Variants in NFIA observed in about 807,000 individuals in gnomAD.
NFIA encodes nuclear factor 1 A-type.
NFIA carries 8 observed loss-of-function variants against 62.8 expected under a neutral mutation model. The ratio of observed to expected loss-of-function variants is 0.13; its 90% CI spans 0.07 to 0.23. The LOEUF (loss-of-function observed/expected upper bound fraction) is 0.23. Ranked by LOEUF, NFIA falls within the 10% of genes least tolerant of loss-of-function variation. The pLI is 1.00. For missense variants in NFIA, 410 were observed against 642.1 expected, an observed-to-expected ratio of 0.64 and a Z score of 3.91; for synonymous variants, 235 against 238.1, an observed-to-expected ratio of 0.99 and a Z score of 0.12.
Position 61,242,329 on chromosome 1 carries a change from T to C in NFIA, c.560-35191T>C, listed in dbSNP as rs181530676. On this transcript the variant is annotated intron_variant, in intron 2 of 10. Transcript: ENST00000403491. ...GGAGCATACTACTTCTGCTGGCATGTTGGTTCATTGTGCTGGCTGCATAAT... is the reference window on the plus strand; with the variant it reads ...GGAGCATACTACTTCTGCTGGCATGCTGGTTCATTGTGCTGGCTGCATAAT... Among the ~76,000 whole-genome samples, 7 of 152,232 alleles carry C rather than the reference T, an allele frequency of 4.6e-5. No individual in the cohort carries two copies. In the East Asian group the frequency reaches 1.4e-3, roughly 29 times the overall value.
At position 61,088,409 on chromosome 1, in the gene NFIA, A is replaced by G. The variant is rs756286695; in HGVS notation, c.288A>G (p.Thr96=). 1.4e-5 allele frequency: 22 copies of G among 1,613,896 alleles called. No homozygotes were observed. Among genetic ancestry groups the G allele is most frequent in the African/African-American group, 4.0e-5 (3 of 74,884 alleles). The part of the protein sequence containing the change: ...EYREDFVLTV[T]GKKPPCCVLS... ...GAGAGGATTTTGTTCTTACAGTTAC[A>G]GGGAAAAAACCTCCATGTTGTGTTC... Residue 96 remains threonine, a synonymous_variant, in exon 2 of 11, where the codon ACA becomes ACG. Coordinates refer to ENST00000403491, the MANE Select transcript of NFIA (RefSeq NM_001134673.4). This position sits in a 1 kb window ranked among gnomAD's most constrained non-coding sequence, Gnocchi z 4.5.
intron 6 of NFIA, among the ~76,000 whole-genome samples, chr1:61,375,690 CT>C (rs1664116664): frequency 6.6e-6 from 1 of 152,136 alleles, no homozygotes; most frequent in Admixed American, 6.6e-5. Context: ...GGCACCCTCT[CT>C]TCTCTGAGTC....
In NFIA at chr1:61,341,218, C is replaced by T. The variant is rs568748584; in HGVS notation, c.700+8632C>T. 9.9e-5 allele frequency among the ~76,000 whole-genome samples: 15 copies of T among 151,908 alleles called. No individual in the cohort carries two copies. The South Asian group carries it at 1.5e-3, about 15-fold the overall frequency. ...AGCCGGGACTACAGGTGTCCACCAC[C>T]GCGCCCGGCTAATTTTTTGTATTTT... On this transcript the variant is annotated intron_variant, in intron 4 of 10. Coordinates refer to ENST00000403491, the MANE Select transcript of NFIA (RefSeq NM_001134673.4).
chr1:61,301,597 G>C (rs1488740847), intron 3 of NFIA, among the ~76,000 whole-genome samples: 1 of 151,974 alleles, frequency 6.6e-6, no homozygotes, highest in African/African-American at 2.4e-5. Flanking sequence ...TTACCCTTGT[G>C]GTTATTTTTT....
intron 3 of NFIA, among the ~76,000 whole-genome samples, chr1:61,285,977 A>C (rs928750142): frequency 6.6e-6 from 1 of 152,208 alleles, no homozygotes. Flanking sequence ...AACAAGAAGA[A>C]GCCAAATCAC....
intron 2 of NFIA, among the ~76,000 whole-genome samples, chr1:61,107,688 A>G (rs1474163710): frequency 2.0e-5 from 3 of 151,722 alleles, no homozygotes; most frequent in Non-Finnish European, 4.4e-5. Flanking sequence ...AGTAAAATTT[A>G]TCAATCTTTA....
intron 4 of NFIA, among the ~76,000 whole-genome samples, chr1:61,342,786 A>G (rs1661997882): frequency 6.6e-6 from 1 of 152,228 alleles, no homozygotes; most frequent in African/African-American, 2.4e-5. Context: ...TAGAAATGTG[A>G]ATTTCACTCC....
chr1:61,327,103 A>T, intron 3 of NFIA, among the ~76,000 whole-genome samples: 1 of 148,218 alleles, frequency 6.7e-6, no homozygotes, highest in Non-Finnish European at 1.5e-5. Context: ...ATATAAATAT[A>T]TATTTATTAT....
chr1:61,342,038 G>A (rs373932931), intron 4 of NFIA, among the ~76,000 whole-genome samples: 1 of 152,066 alleles, frequency 6.6e-6, no homozygotes. Context: ...GAATGGGGCC[G>A]GTGGAGTCCA....
chr1:61,345,121 G>A (rs1489509114), intron 4 of NFIA, among the ~76,000 whole-genome samples: 2 of 152,182 alleles, frequency 1.3e-5, no homozygotes, highest in Admixed American at 6.5e-5. Flanking sequence ...GAATGACTTG[G>A]AAGTAATATT....
At chr1:61,255,680 G>T (rs1253865961) in intron 2 of NFIA, among the ~76,000 whole-genome samples, 1 of 152,150 alleles carries the variant, frequency 6.6e-6, no homozygotes, top group Non-Finnish European at 1.5e-5. Flanking sequence ...TAGAACTAGG[G>T]TTTGGTTTTG....
rs759308136 is a variant in NFIA, at chr1:61,455,340, T to G, written c.*20T>G. The G allele has an allele frequency of 4.3e-6, 7 of 1,614,086 alleles. No homozygotes were observed. Among genetic ancestry groups the G allele is most frequent in the Non-Finnish European group, 5.1e-6 (6 of 1,179,982 alleles). Reference sequence around the variant, plus strand: ...GGATAAAAGTTGCAGCGTCCCACCATCCACCAGACAGACCACCTGACCCCT... The same window carrying G: ...GGATAAAAGTTGCAGCGTCCCACCAGCCACCAGACAGACCACCTGACCCCT... On this transcript the variant is annotated 3_prime_UTR_variant, in exon 11 of 11. Transcript: ENST00000403491.
At chr1:61,248,654 C>A (rs1212805570) in intron 2 of NFIA, among the ~76,000 whole-genome samples, 1 of 152,116 alleles carries the variant, frequency 6.6e-6, no homozygotes, top group East Asian at 1.9e-4. Context: ...GAAAGATGCC[C>A]CTTACTGCAG....
intron 10 of NFIA, among the ~76,000 whole-genome samples, chr1:61,441,605 A>G (rs1159392373): frequency 6.6e-6 from 1 of 152,184 alleles, no homozygotes; most frequent in South Asian, 2.1e-4. Context: ...AATAAAACTG[A>G]AATTGATCAT....
chr1:61,455,374 C>T lies in NFIA; in HGVS notation c.*54C>T, dbSNP rs1220437873. 2 of 1,614,064 alleles carry T rather than the reference C, an allele frequency of 1.2e-6. No individual in the cohort carries two copies. Among genetic ancestry groups the T allele is most frequent in the Admixed American group, 3.3e-5 (2 of 60,000 alleles). On this transcript the variant is annotated 3_prime_UTR_variant, in exon 11 of 11. Coordinates refer to ENST00000403491, the MANE Select transcript of NFIA (RefSeq NM_001134673.4). ...CAGACCACCTGACCCCTTCTCAACT[C>T]TGTAACATGGACGCAACCTCAACCC...
In NFIA at chr1:61,455,334, CCA is replaced by C; in HGVS notation, c.*16_*17del. On this transcript the variant is annotated 3_prime_UTR_variant, in exon 11 of 11. Coordinates refer to ENST00000403491, the MANE Select transcript of NFIA (RefSeq NM_001134673.4). ...TACCTGGGATAAAAGTTGCAGCGTC[CCA>C]CCATCCACCAGACAGACCACCTGAC... The C allele has an allele frequency of 6.2e-7, 1 of 1,613,952 alleles. No homozygotes were observed. Among genetic ancestry groups the C allele is most frequent in the Non-Finnish European group, 8.5e-7 (1 of 1,179,972 alleles).
intron 3 of NFIA, among the ~76,000 whole-genome samples, chr1:61,285,461 G>T (rs985771742): frequency 1.3e-5 from 2 of 152,190 alleles, no homozygotes; most frequent in African/African-American, 4.8e-5. Flanking sequence ...TATACATAAT[G>T]TATTTGGGGA....
chr1:61,281,902 A>G (rs554738541), intron 3 of NFIA, among the ~76,000 whole-genome samples: 93 of 152,354 alleles, frequency 6.1e-4, no homozygotes, highest in African/African-American at 7.9e-4. Flanking sequence ...AATAAAATTA[A>G]TAAGTAGATG....
At chr1:61,418,501 ACAATCACTCT>A (rs1666459915) in intron 9 of NFIA, among the ~76,000 whole-genome samples, 1 of 152,156 alleles carries the variant, frequency 6.6e-6, no homozygotes, top group African/African-American at 2.4e-5. Context: ...GTCTTCAAAG[ACAATCACTCT>A]CTGTGCATAT....
Sources: gnomAD v4.1 joint callset for allele counts (sites outside exome capture counted in the v4.1 genomes callset) on GRCh38, gnomAD v4.1.1 for gene constraint, Gnocchi (gnomAD v3.1) non-coding constraint, MANE v1.5 for transcripts, NCBI Gene and HGNC (gene_info 2026-07-23, HGNC 2026-07-21) for gene names.